The following MCAT variants were observed in gnomAD, a reference collection of about 807,000 sequenced individuals.
MCAT encodes malonyl-CoA-acyl carrier protein transacylase, also known as malonyl-CoA-acyl carrier protein transacylase, mitochondrial.
In MCAT, 22 loss-of-function variants were observed where a neutral mutation model predicts 22.9. The observed-to-expected ratio is 0.96, with a 90% confidence interval of 0.69 to 1.37. The LOEUF (loss-of-function observed/expected upper bound fraction) is 1.37, where lower values mean the gene tolerates loss of function less well. MCAT is among the 40% of genes most tolerant of loss of function. The probability of loss-of-function intolerance (pLI) is 0.00; values close to 1 mark genes in which losing one functional copy is unlikely to be tolerated. For missense variants in MCAT, 534 were observed against 533.6 expected (o/e 1.00, Z -0.01); for synonymous variants, 240 against 233.9 (o/e 1.03, Z -0.24).
chr22:43,132,486 C>G lies in MCAT; in HGVS notation c.*557G>C, dbSNP rs1930474487. On this transcript the variant is annotated 3_prime_UTR_variant, in exon 4 of 4. Transcript: ENST00000290429. ...ACTCTCTAGCACACAGCAGGCAATA[C>G]ATATCTCTTGGGTATGTCCATAAAT... 1 of 161,808 alleles carries G rather than the reference C, an allele frequency of 6.2e-6. No homozygotes were observed. Among genetic ancestry groups the G allele is most frequent in the East Asian group, 1.7e-4 (1 of 5,724 alleles). The allele number at this position is 161,808 out of a possible 1,614,324, so 10.0% of individuals were successfully genotyped here.
rs763382363 is a variant in MCAT, at chr22:43,137,303, C to A, written c.512-5G>T. 6 of 1,611,164 alleles carry A rather than the reference C, an allele frequency of 3.7e-6. No homozygotes were observed. The highest frequency in any genetic ancestry group is 1.7e-5 in the Admixed American group (1 of 59,878). ...GGATTTTCACTGCATACAAACCTGG[C>A]CAGAGAGAAGCGCATTTGGAAAAAT... On this transcript the variant is annotated splice_polypyrimidine_tract_variant and splice_region_variant and intron_variant, in intron 2 of 3. Coordinates refer to ENST00000290429, the MANE Select transcript of MCAT (RefSeq NM_173467.5).
intron 1 of MCAT, among the ~76,000 whole-genome samples, chr22:43,142,602 C>G (rs1480510649): frequency 6.6e-6 from 1 of 151,356 alleles, no homozygotes; most frequent in African/African-American, 2.4e-5. Flanking sequence ...CTGACTAACA[C>G]GATGAAACCC....
At chr22:43,136,607 T>A (rs1488140751) in intron 3 of MCAT, among the ~76,000 whole-genome samples, 3 of 152,168 alleles carry the variant, frequency 2.0e-5, no homozygotes, top group African/African-American at 7.2e-5. Flanking sequence ...AATCAGTCTG[T>A]GCGTCCCCAG....
At position 43,137,066 on chromosome 22, in the gene MCAT, C is replaced by G; in HGVS notation, c.729+15G>C. On this transcript the variant is annotated intron_variant, in intron 3 of 3. Coordinates refer to ENST00000290429, the MANE Select transcript of MCAT (RefSeq NM_173467.5). ...ACTGGACTGGCCTATGAAGGCAGTT[C>G]CCATCAACACCCACCTCTTGGTGTC... 1 of 1,610,516 alleles carries G rather than the reference C, an allele frequency of 6.2e-7. No homozygotes were observed. Among genetic ancestry groups the G allele is most frequent in the Non-Finnish European group, 8.5e-7 (1 of 1,176,704 alleles).
At position 43,137,167 on chromosome 22, in the gene MCAT, A is replaced by G. The variant is rs1239061062; in HGVS notation, c.643T>C (p.Cys215Arg). The stretch of plus-strand genomic sequence containing the variant: ...GGGTTCTCTATGCCTAAAGACTTGC[A>G]GTGTTCCCGGGCTTCCAAACAGGCG... ...NFACLEAREH[C>R]KSLGIENPVC... The change falls in exon 3 of 4, where the codon TGC becomes CGC. Residue 215 changes from cysteine to arginine, a missense_variant. By Grantham distance (180) the Cys-to-Arg change is radical. Coordinates refer to ENST00000290429, the MANE Select transcript of MCAT (RefSeq NM_173467.5). 6.2e-7 allele frequency: 1 copy of G among 1,614,168 alleles called. No individual in the cohort carries two copies. Among genetic ancestry groups the G allele is most frequent in the Non-Finnish European group, 8.5e-7 (1 of 1,180,030 alleles).
rs200413493 is a variant in MCAT, at chr22:43,135,507, AAAC to A, written c.729+1571_729+1573del. 3.9e-3 allele frequency among the ~76,000 whole-genome samples: 470 copies of A among 119,586 alleles called. 37 individuals carry two copies. The highest frequency in any genetic ancestry group is 0.013 in the African/African-American group (357 of 27,246). The allele number at this position is 119,586 out of a possible 152,430, so 78.5% of individuals were successfully genotyped here. On this transcript the variant is annotated intron_variant, in intron 3 of 3. Transcript: ENST00000290429. ...TGACAGAGTAAGACATTGTCTCAAAAAACAAAAAAAAAAAAAAAAAAAATCAAA... is the reference window on the plus strand; with the variant it reads ...TGACAGAGTAAGACATTGTCTCAAAAAAAAAAAAAAAAAAAAAAAATCAAA...
At chr22:43,136,745 C>T (rs893110193) in intron 3 of MCAT, among the ~76,000 whole-genome samples, 1 of 152,234 alleles carries the variant, frequency 6.6e-6, no homozygotes, top group African/African-American at 2.4e-5. Flanking sequence ...AAACAAATCT[C>T]TTTTCTCTAA....
At chr22:43,138,810 G>A (rs1046263806) in intron 2 of MCAT, among the ~76,000 whole-genome samples, 6 of 152,168 alleles carry the variant, frequency 3.9e-5, no homozygotes, top group Non-Finnish European at 8.8e-5. Flanking sequence ...CCTGCTTCCT[G>A]GGCAGAGAGA....
chr22:43,137,111 TG>T lies in MCAT; in HGVS notation c.698del (p.Pro233GlnfsTer5). 1.9e-6 allele frequency: 3 copies of T among 1,614,170 alleles called. No homozygotes were observed. The highest frequency in any genetic ancestry group is 2.5e-6 in the Non-Finnish European group (3 of 1,180,026). Reference sequence around the variant, plus strand: ...GGTGTCCTGAAATCACCCTGCAATCTGGAAAGAGGTAGTTGGACACTTCACA... The same window carrying T: ...GGTGTCCTGAAATCACCCTGCAATCTGAAAGAGGTAGTTGGACACTTCACA... ...PVCEVSNYLFPDCRVISGHQE... is the reference protein window; with the variant it reads ...PVCEVSNYLFXDCRVISGHQE... On this transcript the variant is annotated frameshift_variant, in exon 3 of 4. Coordinates refer to ENST00000290429, the MANE Select transcript of MCAT (RefSeq NM_173467.5). LOFTEE classifies it low-confidence loss of function (END_TRUNC).
intron 2 of MCAT, among the ~76,000 whole-genome samples, chr22:43,138,157 G>A (rs1451942945): frequency 6.6e-6 from 1 of 152,156 alleles, no homozygotes; most frequent in Non-Finnish European, 1.5e-5. Flanking sequence ...TGACCAGCAG[G>A]TTGAGGCTGC....
In MCAT at chr22:43,138,371, G is replaced by A. The variant is rs544437418; in HGVS notation, c.512-1073C>T. Among the ~76,000 whole-genome samples, 4 of 152,308 alleles carry A rather than the reference G, an allele frequency of 2.6e-5. No individual in the cohort carries two copies. In the South Asian group the frequency reaches 6.2e-4, roughly 24 times the overall value. ...CCTGACACAGCCAATGCAGATGAACGAAAACCTATGACTCCTGATTCAGTG... is the reference window on the plus strand; with the variant it reads ...CCTGACACAGCCAATGCAGATGAACAAAAACCTATGACTCCTGATTCAGTG... On this transcript the variant is annotated intron_variant, in intron 2 of 3. Transcript: ENST00000290429.
chr22:43,135,108 AG>A (rs1021770391), intron 3 of MCAT, among the ~76,000 whole-genome samples: 5 of 152,258 alleles, frequency 3.3e-5, no homozygotes, highest in Non-Finnish European at 4.4e-5. Flanking sequence ...TTGGGCGAGC[AG>A]GGCCCAGGAG....
At chr22:43,133,806 T>TC (rs974927233) in intron 3 of MCAT, among the ~76,000 whole-genome samples, 13 of 147,578 alleles carry the variant, frequency 8.8e-5, no homozygotes, top group African/African-American at 2.6e-4. Context: ...CAATGAGAAT[T>TC]CTTTTTTTTT....
At chr22:43,137,821 C>T (rs1032748560) in intron 2 of MCAT, among the ~76,000 whole-genome samples, 5 of 152,008 alleles carry the variant, frequency 3.3e-5, no homozygotes, top group African/African-American at 1.2e-4. Context: ...ATTGCCTTAG[C>T]CAAGTCACAA....
Position 43,132,749 on chromosome 22 carries a change from C to T in MCAT, c.*294G>A. On this transcript the variant is annotated 3_prime_UTR_variant, in exon 4 of 4. Transcript: ENST00000290429. ...CCTTCCCGCTGAGATGGCACACCTGCCTATGGTGCAGGGCTGGCAGAGGCG... is the reference window on the plus strand; with the variant it reads ...CCTTCCCGCTGAGATGGCACACCTGTCTATGGTGCAGGGCTGGCAGAGGCG... The T allele has an allele frequency of 2.5e-6, 1 of 406,334 alleles. No individual in the cohort carries two copies. Among genetic ancestry groups the T allele is most frequent in the South Asian group, 2.9e-5 (1 of 34,470 alleles). The allele number at this position is 406,334 out of a possible 1,614,324, so 25.2% of individuals were successfully genotyped here. A position where few individuals can be genotyped will look rare whatever the true frequency, so the allele number is the denominator to read the frequency against.
chr22:43,133,230 G>A lies in MCAT; in HGVS notation c.986C>T (p.Thr329Met), dbSNP rs751275986. 3.1e-6 allele frequency: 5 copies of A among 1,614,078 alleles called. No individual in the cohort carries two copies. The highest frequency in any genetic ancestry group is 2.2e-5 in the East Asian group (1 of 44,894). The part of the protein sequence containing the change: ...QLVSPVKWEQ[T>M]MHAIYERKKG... ...TTTCCTTTCGTATATGGCATGCATC[G>A]TCTGCTCCCACTTCACTGGGGAGAC... Residue 329 changes from threonine to methionine, a missense_variant, in exon 4 of 4, where the codon ACG becomes ATG. Transcript: ENST00000290429.
chr22:43,140,568 T>TA (rs1339042729), intron 2 of MCAT, among the ~76,000 whole-genome samples: 1 of 152,180 alleles, frequency 6.6e-6, no homozygotes, highest in Non-Finnish European at 1.5e-5. Flanking sequence ...CAGGGTGGTC[T>TA]AAAACTCCTG....
chr22:43,133,951 G>A (rs1267536573), intron 3 of MCAT, among the ~76,000 whole-genome samples: 10 of 151,200 alleles, frequency 6.6e-5, no homozygotes, highest in Admixed American at 2.6e-4. Context: ...GACTACAGGC[G>A]CCCGCCACCA....
chr22:43,138,937 G>A (rs574623693), intron 2 of MCAT, among the ~76,000 whole-genome samples: 5 of 152,264 alleles, frequency 3.3e-5, no homozygotes, highest in East Asian at 1.9e-4. Flanking sequence ...TCTATGTACT[G>A]GACTTTTAGC....
Sources: allele counts gnomAD v4.1 joint callset (sites outside exome capture counted in the v4.1 genomes callset), GRCh38; gene constraint gnomAD v4.1.1; transcripts MANE v1.5; gene names NCBI Gene and HGNC (gene_info 2026-07-23, HGNC 2026-07-21).